The following TNKS variants were observed in gnomAD, a reference collection of about 807,000 sequenced individuals.
TNKS encodes the protein poly [ADP-ribose] polymerase tankyrase-1.
Under a neutral mutation model 135.8 loss-of-function variants are expected in TNKS, and 72 were observed. That is an observed-to-expected ratio of 0.53 (90% CI 0.44 to 0.64). TNKS has a LOEUF of 0.64. TNKS is among the 30% of genes least tolerant of loss of function. TNKS has a pLI of 0.00. For synonymous variants in TNKS, 849 were observed against 649.3 expected, an observed-to-expected ratio of 1.31 and a Z score of -4.68; for missense variants, 1,769 against 1,674.0, an observed-to-expected ratio of 1.06 and a Z score of -0.99.
chr8:9,755,919 C>T (rs1806810403), intron 20 of TNKS, among the ~76,000 whole-genome samples: 1 of 152,152 alleles, frequency 6.6e-6, no homozygotes, highest in Non-Finnish European at 1.5e-5. Flanking sequence ...GTCCTGTTTC[C>T]CATAGATACT....
intron 12 of TNKS, among the ~76,000 whole-genome samples, chr8:9,722,043 C>G (rs1804910985): frequency 7.3e-6 from 1 of 136,210 alleles, no homozygotes; most frequent in African/African-American, 2.7e-5. Context: ...GGTGACAGAG[C>G]GAGACTCCAT....
chr8:9,664,003 A>G (rs1801864457), intron 3 of TNKS, among the ~76,000 whole-genome samples: 2 of 152,160 alleles, frequency 1.3e-5, no homozygotes, highest in Non-Finnish European at 2.9e-5. Flanking sequence ...ATCCAGTCAC[A>G]TGATTGTTTC....
chr8:9,612,138 C>T (rs1799486130), intron 2 of TNKS, among the ~76,000 whole-genome samples: 1 of 151,996 alleles, frequency 6.6e-6, no homozygotes. Flanking sequence ...GAACTGAGGC[C>T]CAGAGAATTT....
intron 11 of TNKS, among the ~76,000 whole-genome samples, chr8:9,710,957 A>T (rs1287380591): frequency 7.2e-5 from 11 of 152,224 alleles, no homozygotes; most frequent in African/African-American, 2.7e-4. Flanking sequence ...CACTAAAGAA[A>T]TATGACATAT....
chr8:9,712,347 G>A (rs1319554214), intron 11 of TNKS, among the ~76,000 whole-genome samples: 1 of 151,932 alleles, frequency 6.6e-6, no homozygotes, highest in Non-Finnish European at 1.5e-5. Flanking sequence ...AGTCGTGGTG[G>A]TGTGCACCTA....
intron 5 of TNKS, 191 bp downstream of exon 5, chr8:9,680,991 TTAAG>T (rs1802759068): frequency 2.3e-6 from 1 of 436,286 alleles, no homozygotes; most frequent in East Asian, 3.4e-5. Context: ...AGCATGGATC[TTAAG>T]TAAGCCTTTT....
At chr8:9,598,725 G>GTGTGTC (rs1554444981) in intron 2 of TNKS, among the ~76,000 whole-genome samples, 37 of 129,802 alleles carry the variant, frequency 2.9e-4, no homozygotes, top group African/African-American at 1.1e-3. Context: ...GTGTGTGTGT[G>GTGTGTC]TGTGTGTGTC....
chr8:9,646,925 C>G (rs1222581951), intron 3 of TNKS, among the ~76,000 whole-genome samples: 2 of 152,012 alleles, frequency 1.3e-5, no homozygotes, highest in East Asian at 3.9e-4. Flanking sequence ...TTATAACTGT[C>G]TTTAGAAAAA....
intron 17 of TNKS, among the ~76,000 whole-genome samples, 188 bp from the exon 18 acceptor site, chr8:9,747,836 G>C (rs1275498579): frequency 6.6e-6 from 1 of 152,010 alleles, no homozygotes; most frequent in East Asian, 1.9e-4. Flanking sequence ...TTTTGAAGGA[G>C]GCAAGAAAAG....
chr8:9,734,608 G>T (rs1293611865), intron 15 of TNKS, among the ~76,000 whole-genome samples: 3 of 152,098 alleles, frequency 2.0e-5, no homozygotes, highest in African/African-American at 7.2e-5. Flanking sequence ...TATTATATAG[G>T]TTGTCTCAAA....
intron 20 of TNKS, among the ~76,000 whole-genome samples, chr8:9,757,043 C>A (rs1225534661): frequency 6.6e-6 from 1 of 152,142 alleles, no homozygotes; most frequent in African/African-American, 2.4e-5. Flanking sequence ...GTGGCGTGAT[C>A]TCAGCTCACT....
At chr8:9,650,441 T>TA (rs2128780841) in intron 3 of TNKS, among the ~76,000 whole-genome samples, 1 of 152,312 alleles carries the variant, frequency 6.6e-6, no homozygotes, top group South Asian at 2.1e-4. Flanking sequence ...ACCAGTAGTG[T>TA]AAAATTGTTC....
intron 11 of TNKS, among the ~76,000 whole-genome samples, chr8:9,719,668 G>T (rs997356646): frequency 3.3e-5 from 5 of 152,132 alleles, no homozygotes; most frequent in African/African-American, 1.2e-4. Context: ...GTGGACTTGG[G>T]TCTGACTGGA....
At chr8:9,688,855 G>C (rs1007964399) in intron 5 of TNKS, among the ~76,000 whole-genome samples, 1 of 152,118 alleles carries the variant, frequency 6.6e-6, no homozygotes, top group African/African-American at 2.4e-5. Flanking sequence ...TGGTCAAGCT[G>C]GGCTGGAAGT....
intron 3 of TNKS, among the ~76,000 whole-genome samples, chr8:9,631,407 T>C (rs149874729): frequency 1.3e-5 from 2 of 152,348 alleles, no homozygotes; most frequent in African/African-American, 4.8e-5. Context: ...ATCATGCTTA[T>C]AAGTCATAAA....
rs529364508 is a variant in TNKS, at chr8:9,734,796, TTACC to T, written c.2314-49_2314-46del. 690 of 1,327,836 alleles carry T rather than the reference TTACC, an allele frequency of 5.2e-4. 5 individuals are homozygous for T. Among genetic ancestry groups the T allele is most frequent in the South Asian group, 3.7e-3 (259 of 70,714 alleles). The allele number at this position is 1,327,836 out of a possible 1,614,324, so 82.3% of individuals were successfully genotyped here. A position where few individuals can be genotyped will look rare whatever the true frequency, so the allele number is the denominator to read the frequency against. On this transcript the variant is annotated intron_variant, in intron 15 of 26. Coordinates refer to ENST00000310430, the MANE Select transcript of TNKS (RefSeq NM_003747.3). ...GAGGAACAAAGGTAGAGTAAATTAA[TTACC>T]TACCTACCTACCTACCTACTTACTA...
chr8:9,697,512 C>G (rs1463672872), intron 5 of TNKS, among the ~76,000 whole-genome samples: 1 of 152,090 alleles, frequency 6.6e-6, no homozygotes, highest in East Asian at 1.9e-4. Context: ...AATAGACAAT[C>G]TACAGAATGG....
intron 3 of TNKS, among the ~76,000 whole-genome samples, chr8:9,635,831 G>A (rs1800488471): frequency 6.6e-6 from 1 of 152,096 alleles, no homozygotes; most frequent in South Asian, 2.1e-4. Context: ...GAAAGACAAA[G>A]GCTGAGGAAT....
chr8:9,762,213 T>A (rs1222377242), intron 21 of TNKS, among the ~76,000 whole-genome samples: 1 of 123,232 alleles, frequency 8.1e-6, no homozygotes, highest in Non-Finnish European at 1.7e-5. Context: ...CTCTTTCCCC[T>A]CTGTTTTTAC....
Sources: allele counts gnomAD v4.1 joint callset (sites outside exome capture counted in the v4.1 genomes callset), GRCh38; gene constraint gnomAD v4.1.1; transcripts MANE v1.5; gene names NCBI Gene and HGNC (gene_info 2026-07-23, HGNC 2026-07-21).